The following SUCLG2 variants were observed in gnomAD, a reference collection of about 807,000 sequenced individuals.
SUCLG2 encodes succinate--CoA ligase [GDP-forming] subunit beta, mitochondrial.
In SUCLG2, 42 loss-of-function variants were observed where a neutral mutation model predicts 47.9. The observed-to-expected ratio is 0.88, with a 90% CI of 0.69 to 1.14. SUCLG2 has a LOEUF of 1.14. SUCLG2 is among the 50% of genes most tolerant of loss of function. The pLI is 0.00. For synonymous variants in SUCLG2, 195 were observed against 197.3 expected (o/e 0.99, Z 0.10); for missense variants, 571 against 525.9 (o/e 1.09, Z -0.84).
At chr3:67,411,019 C>A (rs1017233764) in intron 9 of SUCLG2, among the ~76,000 whole-genome samples, 4 of 152,044 alleles carry the variant, frequency 2.6e-5, no homozygotes, top group African/African-American at 9.7e-5. Flanking sequence ...ACGTATACTC[C>A]ATCATCATTT....
At chr3:67,484,227 C>T (rs559387274) in intron 9 of SUCLG2, among the ~76,000 whole-genome samples, 1 of 152,292 alleles carries the variant, frequency 6.6e-6, no homozygotes, top group Non-Finnish European at 1.5e-5. Flanking sequence ...GCTTGCCTGA[C>T]TCTGGTGAAC....
intron 2 of SUCLG2, among the ~76,000 whole-genome samples, chr3:67,563,033 T>C (rs1707350042): frequency 6.6e-6 from 1 of 150,702 alleles, no homozygotes. Flanking sequence ...TTAGGAATTA[T>C]AATGTGTACG....
intron 2 of SUCLG2, among the ~76,000 whole-genome samples, chr3:67,597,934 T>C (rs997708626): frequency 1.3e-5 from 2 of 151,480 alleles, no homozygotes; most frequent in Non-Finnish European, 2.9e-5. Flanking sequence ...TGAGACTCCA[T>C]CTCAAAAAAC....
At chr3:67,454,216 C>T (rs561305428) in intron 9 of SUCLG2, among the ~76,000 whole-genome samples, 5 of 152,114 alleles carry the variant, frequency 3.3e-5, no homozygotes, top group Admixed American at 6.5e-5. Flanking sequence ...GGACGAGGGA[C>T]GACATCTTAC....
intron 9 of SUCLG2, among the ~76,000 whole-genome samples, chr3:67,465,626 G>T (rs578223582): frequency 6.6e-6 from 1 of 152,156 alleles, no homozygotes; most frequent in African/African-American, 2.4e-5. Context: ...CCGAGTAGGG[G>T]CATCCAATCT....
intron 5 of SUCLG2, 102 bp downstream of exon 5, chr3:67,520,380 G>C: frequency 5.3e-6 from 8 of 1,521,520 alleles, no homozygotes; most frequent in Admixed American, 1.7e-5. Flanking sequence ...TTAAATTGTA[G>C]AGACAGATTT....
intron 9 of SUCLG2, among the ~76,000 whole-genome samples, chr3:67,405,033 C>T (rs112076504): frequency 2.1e-3 from 316 of 150,920 alleles, no homozygotes; most frequent in Middle Eastern, 0.014. Context: ...GAGACTCTCC[C>T]GGAAGATCCC....
chr3:67,400,490 G>A (rs76322136), intron 10 of SUCLG2, among the ~76,000 whole-genome samples: 10,776 of 152,118 alleles, frequency 0.071, 390 homozygotes, highest in Middle Eastern at 0.14. Context: ...AAATAAAAGG[G>A]CTTTTGCTCT....
At chr3:67,370,253 CAT>C (rs1220032453), downstream of SUCLG2, among the ~76,000 whole-genome samples, 2 of 151,958 alleles carry the variant, frequency 1.3e-5, no homozygotes, top group East Asian at 1.9e-4. Context: ...TTATTTAAAA[CAT>C]AGGATAATTA....
intron 2 of SUCLG2, among the ~76,000 whole-genome samples, chr3:67,532,350 G>A (rs979850288): frequency 6.6e-6 from 1 of 152,064 alleles, no homozygotes; most frequent in Non-Finnish European, 1.5e-5. Context: ...TGCTCCAGCT[G>A]GTCTCAAACT....
At chr3:67,598,195 T>C (rs912192612) in intron 2 of SUCLG2, among the ~76,000 whole-genome samples, 1 of 152,040 alleles carries the variant, frequency 6.6e-6, no homozygotes, top group Non-Finnish European at 1.5e-5. Context: ...TTGCCCAGGC[T>C]GTTCTCGAAC....
intron 1 of SUCLG2, among the ~76,000 whole-genome samples, chr3:67,634,747 G>A (rs1700980193): frequency 6.6e-6 from 1 of 152,054 alleles, no homozygotes; most frequent in East Asian, 1.9e-4. Context: ...AACTTGACAG[G>A]GCACAGTATC....
intron 2 of SUCLG2, among the ~76,000 whole-genome samples, chr3:67,608,384 G>A (rs538895012): frequency 1.3e-5 from 2 of 152,120 alleles, no homozygotes; most frequent in East Asian, 3.9e-4. Context: ...GCTATCTCAG[G>A]TAAAAGAATA....
At chr3:67,432,080 T>G (rs1260363693) in intron 9 of SUCLG2, among the ~76,000 whole-genome samples, 1 of 152,130 alleles carries the variant, frequency 6.6e-6, no homozygotes, top group Non-Finnish European at 1.5e-5. Flanking sequence ...CAACTGCATT[T>G]TTCAGCTGTC....
chr3:67,482,148 C>G (rs1160548884), intron 9 of SUCLG2, among the ~76,000 whole-genome samples: 1 of 151,954 alleles, frequency 6.6e-6, no homozygotes, highest in Non-Finnish European at 1.5e-5. Flanking sequence ...CCACTGCACT[C>G]CAGCCTGAGT....
chr3:67,464,047 A>AT (rs753468742), intron 9 of SUCLG2, among the ~76,000 whole-genome samples: 1 of 152,206 alleles, frequency 6.6e-6, no homozygotes, highest in Non-Finnish European at 1.5e-5. Context: ...GTGACATACT[A>AT]TGTTTTGTGT....
At chr3:67,566,148 G>A (rs986498008) in intron 2 of SUCLG2, among the ~76,000 whole-genome samples, 1 of 152,204 alleles carries the variant, frequency 6.6e-6, no homozygotes, top group African/African-American at 2.4e-5. Context: ...GGCAGCTGAT[G>A]AGCCTTTCTG....
chr3:67,420,390 A>C (rs1703129977), intron 9 of SUCLG2, among the ~76,000 whole-genome samples: 1 of 152,220 alleles, frequency 6.6e-6, no homozygotes, highest in Non-Finnish European at 1.5e-5. Context: ...TGTTCCAAAA[A>C]CAAATTTGGC....
At chr3:67,502,671 T>C (rs952149817) in intron 7 of SUCLG2, among the ~76,000 whole-genome samples, 3 of 152,150 alleles carry the variant, frequency 2.0e-5, no homozygotes, top group African/African-American at 7.2e-5. Flanking sequence ...GCTACAGAAC[T>C]CTCCTCTCTT....
Sources: gnomAD v4.1 joint callset for allele counts (sites outside exome capture counted in the v4.1 genomes callset) on GRCh38, gnomAD v4.1.1 for gene constraint, MANE v1.5 for transcripts, NCBI Gene and HGNC (gene_info 2026-07-23, HGNC 2026-07-21) for gene names.